Variants in MAP3K15 observed in about 807,000 individuals in gnomAD.
MAP3K15 encodes mitogen-activated protein kinase kinase kinase 15, also known as MAPK/ERK kinase kinase 15.
A neutral mutation model predicts 99.5 loss-of-function variants in MAP3K15; 124 were observed. The ratio of observed to expected loss-of-function variants is 1.25; its 90% CI spans 1.08 to 1.45. The LOEUF (loss-of-function observed/expected upper bound fraction) is 1.45, where lower values mean the gene tolerates loss of function less well. MAP3K15 is among the 40% of genes most tolerant of loss of function. The pLI, the probability that MAP3K15 is intolerant of heterozygous loss-of-function variation, is 0.00. For synonymous variants in MAP3K15, 494 were observed against 439.6 expected, an observed-to-expected ratio of 1.12 and a Z score of -1.55; for missense variants, 1,242 against 1,079.7, an observed-to-expected ratio of 1.15 and a Z score of -2.11.
intron 18 of MAP3K15, among the ~76,000 whole-genome samples, chrX:19,383,206 C>G (rs999165424): frequency 8.9e-6 from 1 of 112,024 alleles, no homozygotes; most frequent in African/African-American, 3.2e-5. Flanking sequence ...TACCTCAGGG[C>G]CTCCCTTTCT....
intron 1 of MAP3K15, among the ~76,000 whole-genome samples, chrX:19,494,879 A>T (rs967347534): frequency 4.6e-5 from 4 of 87,165 alleles, no homozygotes; most frequent in Admixed American, 3.6e-4. Context: ...AGCTACCTTT[A>T]AAAAAAAAAA....
intron 18 of MAP3K15, among the ~76,000 whole-genome samples, chrX:19,387,323 C>T (rs1276281627): frequency 8.9e-6 from 1 of 112,017 alleles, no homozygotes; most frequent in Non-Finnish European, 1.9e-5. Flanking sequence ...GAACTCTGGA[C>T]ACCAGATGGG....
chrX:19,394,692 T>C (rs1476727577), intron 16 of MAP3K15, among the ~76,000 whole-genome samples: 1 of 109,226 alleles, frequency 9.2e-6, no homozygotes, highest in Non-Finnish European at 1.9e-5. Flanking sequence ...TCAATGAATA[T>C]TTGTGGGTTG....
At chrX:19,361,222 G>A (rs931952235) in intron 28 of MAP3K15, 117 bp downstream of exon 28, 20 of 591,261 alleles carry the variant, frequency 3.4e-5, no homozygotes, top group Non-Finnish European at 5.2e-5. Flanking sequence ...TTCCCAGCTT[G>A]AACCTAATAG....
chrX:19,416,225 G>A (rs1243648603), intron 9 of MAP3K15, among the ~76,000 whole-genome samples: 4 of 111,184 alleles, frequency 3.6e-5, no homozygotes, highest in African/African-American at 1.3e-4. Flanking sequence ...CAACTACTTG[G>A]GAGGCTGAGG....
intron 9 of MAP3K15, among the ~76,000 whole-genome samples, chrX:19,417,237 AG>A (rs901242812): frequency 1.8e-5 from 2 of 112,638 alleles, no homozygotes; most frequent in African/African-American, 6.4e-5. Flanking sequence ...GAGCTAAAGC[AG>A]GGCGAGGCAC....
intron 5 of MAP3K15, among the ~76,000 whole-genome samples, chrX:19,457,300 G>C (rs115303594): frequency 0.011 from 1,194 of 112,297 alleles, 20 homozygotes; most frequent in African/African-American, 0.037. Context: ...GGAAACAGCT[G>C]AGTGTAGGAG....
At chrX:19,465,316 T>C (rs762500353) in intron 3 of MAP3K15, among the ~76,000 whole-genome samples, 6 of 111,954 alleles carry the variant, frequency 5.4e-5, no homozygotes, top group Admixed American at 1.9e-4. Flanking sequence ...GAGTCAATGT[T>C]GTCTTAGACA....
At chrX:19,386,506 C>T (rs183657553) in intron 18 of MAP3K15, among the ~76,000 whole-genome samples, 48 of 110,791 alleles carry the variant, frequency 4.3e-4, no homozygotes, top group African/African-American at 1.4e-3. Flanking sequence ...GCCCCATATG[C>T]TCCCTAACCT....
rs181647867 is a variant in MAP3K15 at position 19,431,789 on chromosome X, T to C, written c.996-181A>G. Among the ~76,000 whole-genome samples, 206 of 110,717 alleles carry C rather than the reference T, an allele frequency of 1.9e-3. 2 individuals are homozygous for C. Among genetic ancestry groups the C allele is most frequent in the African/African-American group, 6.3e-3 (191 of 30,434 alleles). ...GGTGAAAACCTGTCTCTACTAAAAA[T>C]ACAAGTAGCCGGGTGGTAGTGGCCC... On this transcript the variant is annotated intron_variant, in intron 6 of 28. Transcript: ENST00000338883.
intron 6 of MAP3K15, among the ~76,000 whole-genome samples, chrX:19,456,245 T>TC (rs1400600285): frequency 1.8e-5 from 2 of 111,953 alleles, no homozygotes; most frequent in Admixed American, 9.5e-5. Flanking sequence ...TAGAGGCCCA[T>TC]CAGCAGTAAA....
In MAP3K15 at chrX:19,435,214, A is replaced by T. The variant is rs768391462; in HGVS notation, c.996-3606T>A. ...ATTCTGAAAAGAATGTACTAAACTC[A>T]ATAAACTCACTTGAATGCTTTTTTT... On this transcript the variant is annotated intron_variant, in intron 6 of 28. Transcript: ENST00000338883. Among the ~76,000 whole-genome samples the T allele has an allele frequency of 3.6e-5, 4 of 110,531 alleles. No homozygotes were observed. In the South Asian group the frequency reaches 1.1e-3, roughly 32 times the overall value.
At chrX:19,501,699 G>A (rs769992195) in intron 1 of MAP3K15, among the ~76,000 whole-genome samples, 4 of 112,015 alleles carry the variant, frequency 3.6e-5, no homozygotes, top group Non-Finnish European at 5.6e-5. Context: ...TCAAACAGTG[G>A]CAAAGAAAAC....
At chrX:19,400,530 A>G (rs1369814461) in intron 14 of MAP3K15, 46 bp downstream of exon 14, 2 of 968,128 alleles carry the variant, frequency 2.1e-6, no homozygotes, top group East Asian at 6.2e-5. Context: ...TGAAGCATCG[A>G]ACACACAATC....
Position 19,437,923 on chromosome X carries a change from T to C in MAP3K15, c.996-6315A>G, listed in dbSNP as rs56689637. ...GTCCTATAGTTTAAAAACTCTGCAG[T>C]ATGACATATTTTCACAGTATGTAAA... On this transcript the variant is annotated intron_variant, in intron 6 of 28. Coordinates refer to ENST00000338883, the MANE Select transcript of MAP3K15 (RefSeq NM_001001671.4). Among the ~76,000 whole-genome samples, 685 of 111,937 alleles carry C rather than the reference T, an allele frequency of 6.1e-3. 8 individuals carry two copies. Among genetic ancestry groups the C allele is most frequent in the African/African-American group, 0.021 (632 of 30,805 alleles).
At chrX:19,372,364 G>T (rs1250754360) in intron 22 of MAP3K15, among the ~76,000 whole-genome samples, 2 of 111,516 alleles carry the variant, frequency 1.8e-5, no homozygotes, top group Non-Finnish European at 3.8e-5. Flanking sequence ...GGTGCTTCGG[G>T]CTTTCTGCTA....
intron 19 of MAP3K15, 59 bp from the exon 20 acceptor site, chrX:19,374,719 C>A (rs1032603929): frequency 4.7e-6 from 5 of 1,067,825 alleles, no homozygotes; most frequent in Admixed American, 2.3e-5. Flanking sequence ...ATTCAGGTAT[C>A]CATGTCTCAG....
chrX:19,490,300 A>C (rs1034921350), intron 1 of MAP3K15, among the ~76,000 whole-genome samples: 2 of 111,053 alleles, frequency 1.8e-5, no homozygotes, highest in Non-Finnish European at 3.8e-5. Context: ...GTGGCATTCA[A>C]CCAATTTGTG....
chrX:19,378,198 G>A (rs926356842), intron 19 of MAP3K15, among the ~76,000 whole-genome samples: 10 of 112,510 alleles, frequency 8.9e-5, no homozygotes, highest in Non-Finnish European at 1.3e-4. Context: ...CGTTCTATCA[G>A]GGCCGTGTCC....
Sources: gnomAD v4.1 joint callset for allele counts (sites outside exome capture counted in the v4.1 genomes callset) on GRCh38, gnomAD v4.1.1 for gene constraint, MANE v1.5 for transcripts, NCBI Gene and HGNC (gene_info 2026-07-23, HGNC 2026-07-21) for gene names.